The following PCDH18 variants were observed in gnomAD, a reference collection of about 807,000 sequenced individuals.
PCDH18 encodes protocadherin-18.
A neutral mutation model predicts 71.5 loss-of-function variants in PCDH18; 38 were observed. The ratio of observed to expected loss-of-function variants is 0.53; its 90% CI spans 0.41 to 0.70. The LOEUF (loss-of-function observed/expected upper bound fraction) is 0.70, where lower values mean the gene tolerates loss of function less well. Among genes scored for constraint, PCDH18 ranks in the 30% least tolerant of loss-of-function variants. PCDH18 has a pLI of 0.00. For missense variants in PCDH18, 1,334 were observed against 1,384.6 expected (o/e 0.96, Z 0.58); for synonymous variants, 565 against 505.4 (o/e 1.12, Z -1.58).
Position 137,519,849 on chromosome 4 carries a change from C to A in PCDH18, c.*1180G>T, listed in dbSNP as rs186007868. On this transcript the variant is annotated 3_prime_UTR_variant, in exon 4 of 4. Transcript: ENST00000344876. ...TAAGCATCTCTCTCACCAAGGCATT[C>A]CACACAGAGAGATCACAGCACAATA... 213 of 152,610 alleles carry A rather than the reference C, an allele frequency of 1.4e-3. 2 individuals carry two copies. The highest frequency in any genetic ancestry group is 1.8e-4 in the Non-Finnish European group (12 of 68,028). The allele number at this position is 152,610 out of a possible 1,614,324, so 9.5% of individuals were successfully genotyped here. A position where few individuals can be genotyped will look rare whatever the true frequency, so the allele number is the denominator to read the frequency against.
In PCDH18 at chr4:137,531,927, A is replaced by T; in HGVS notation, c.162T>A (p.Val54=). 1 of 1,614,136 alleles carries T rather than the reference A, an allele frequency of 6.2e-7. No homozygotes were observed. The highest frequency in any genetic ancestry group is 8.5e-7 in the Non-Finnish European group (1 of 1,180,008). ...IARLSEDVAD[V]LLKLPNPSTV... ...TAGAAGGATTAGGAAGCTTCAATAA[A>T]ACATCAGCCACATCCTCTGATAGTC... Residue 54 remains valine (V), a synonymous_variant, in exon 1 of 4, where the codon GTT becomes GTA. Coordinates refer to ENST00000344876, the MANE Select transcript of PCDH18 (RefSeq NM_019035.5).
intron 3 of PCDH18, among the ~76,000 whole-genome samples, chr4:137,524,333 A>G (rs774808430): frequency 6.6e-6 from 1 of 152,140 alleles, no homozygotes; most frequent in Non-Finnish European, 1.5e-5. Flanking sequence ...CAGGTGATCA[A>G]TCAGTTATCC....
At chr4:137,527,059 A>G (rs1009791019) in intron 3 of PCDH18, among the ~76,000 whole-genome samples, 1 of 151,772 alleles carries the variant, frequency 6.6e-6, no homozygotes, top group South Asian at 2.1e-4. Context: ...CAAACTCTGC[A>G]TGAGCCTGGA....
Position 137,532,393 on chromosome 4 carries a change from CCGGTGGAGTCTG to C in PCDH18, c.-317_-306del, listed in dbSNP as rs1731746351. On this transcript the variant is annotated 5_prime_UTR_variant, in exon 1 of 4. Coordinates refer to ENST00000344876, the MANE Select transcript of PCDH18 (RefSeq NM_019035.5). The stretch of plus-strand genomic sequence containing the variant: ...GTCGGAATCCATCTATTGCAGGGTG[CCGGTGGAGTCTG>C]CAGTGTGTCTTTCCTGAGCGATTCT... 1 of 700,560 alleles carries C rather than the reference CCGGTGGAGTCTG, an allele frequency of 1.4e-6. No individual in the cohort carries two copies. Among genetic ancestry groups the C allele is most frequent in the Admixed American group, 2.0e-5 (1 of 49,932 alleles). The allele number at this position is 700,560 out of a possible 1,614,324, so 43.4% of individuals were successfully genotyped here.
intron 3 of PCDH18, among the ~76,000 whole-genome samples, chr4:137,524,472 G>T (rs75034232): frequency 3.9e-5 from 6 of 152,106 alleles, no homozygotes; most frequent in Non-Finnish European, 7.4e-5. Context: ...ACTAGATGAT[G>T]CTAAGGGCAT....
intron 3 of PCDH18, among the ~76,000 whole-genome samples, chr4:137,524,344 G>A (rs1731386161): frequency 1.3e-5 from 2 of 152,056 alleles, no homozygotes; most frequent in Admixed American, 6.6e-5. Context: ...TCAGTTATCC[G>A]TTATGAGTCT....
In PCDH18 at chr4:137,529,910, C is replaced by A; in HGVS notation, c.2179G>T (p.Glu727Ter). The A allele has an allele frequency of 1.2e-6, 2 of 1,613,890 alleles. No individual in the cohort carries two copies. The highest frequency in any genetic ancestry group is 1.7e-6 in the Non-Finnish European group (2 of 1,179,934). ...MVLFATRCNR[E>*]KKDTRSYNCR... is the part of the protein sequence containing the mutation. ...TTATAGGATCTAGTGTCTTTCTTCT[C>A]GCGGTTACACCTAGTTGCAAATAGC... is the stretch of plus-strand genomic sequence containing the variant. The change falls in exon 1 of 4, where the codon GAG (glutamate) becomes TAG (stop). Residue 727 changes from glutamate to a stop codon, truncating the protein, a stop_gained. Coordinates refer to ENST00000344876, the MANE Select transcript of PCDH18 (RefSeq NM_019035.5). LOFTEE classifies it high-confidence loss of function.
At position 137,529,893 on chromosome 4, in the gene PCDH18, T is replaced by G. The variant is rs1367808550; in HGVS notation, c.2196A>C (p.Arg732Ser). ...ATTCGGCCACCCTGCAGTTATAGGATCTAGTGTCTTTCTTCTCGCGGTTAC... is the reference window on the plus strand; with the variant it reads ...ATTCGGCCACCCTGCAGTTATAGGAGCTAGTGTCTTTCTTCTCGCGGTTAC... ...TRCNREKKDT[R>S]SYNCRVAEST... is the part of the protein sequence containing the mutation. Residue 732 changes from arginine to serine, a missense_variant, in exon 1 of 4, where the codon AGA becomes AGC. Transcript: ENST00000344876. 6.2e-7 allele frequency: 1 copy of G among 1,613,888 alleles called. No individual in the cohort carries two copies. The highest frequency in any genetic ancestry group is 8.5e-7 in the Non-Finnish European group (1 of 1,179,990).
intron 3 of PCDH18, among the ~76,000 whole-genome samples, chr4:137,525,695 G>A (rs545483070): frequency 6.6e-6 from 1 of 152,200 alleles, no homozygotes; most frequent in South Asian, 2.1e-4. Flanking sequence ...ATACCTCCAG[G>A]ATAGCTTTGA....
chr4:137,529,742 G>A lies in PCDH18; in HGVS notation c.2347C>T (p.Pro783Ser). ...CCCATCTGCCCTCTTTCTAAGGTAGGAGATGAAGATGGAGACGATCTGTGA... is the reference window on the plus strand; with the variant it reads ...CCCATCTGCCCTCTTTCTAAGGTAGAAGATGAAGATGGAGACGATCTGTGA... ...SHHRSSPSSS[P>S]TLERGQMGSR... The change falls in exon 1 of 4, where the codon CCT becomes TCT. Residue 783 changes from proline (P) to serine (S), a missense_variant. Pro to Ser is a moderately conservative substitution (Grantham distance 74). This residue lies in a region of PCDH18 where 1,011 missense variants were observed against 1,048.0 expected (regional missense o/e 0.96). Coordinates refer to ENST00000344876, the MANE Select transcript of PCDH18 (RefSeq NM_019035.5). 2 of 1,613,996 alleles carry A rather than the reference G, an allele frequency of 1.2e-6. No homozygotes were observed. The highest frequency in any genetic ancestry group is 1.7e-6 in the Non-Finnish European group (2 of 1,179,934).
chr4:137,521,695 A>G lies in PCDH18; in HGVS notation c.2742T>C (p.Ala914=), dbSNP rs1490377442. ...TGCACTCCTCCGTGCAGAGTCTCAT[A>G]GCTGCACTCAAGAAAAACAGTGGGG... ...LFLTDGRIPA[A]MRLCTEECRV... Residue 914 remains alanine, a splice_region_variant and synonymous_variant, in exon 4 of 4, where the codon GCT becomes GCC. Transcript: ENST00000344876. 1 of 1,589,426 alleles carries G rather than the reference A, an allele frequency of 6.3e-7. No homozygotes were observed. Among genetic ancestry groups the G allele is most frequent in the Non-Finnish European group, 8.6e-7 (1 of 1,167,280 alleles).
chr4:137,526,170 A>G (rs905876842), intron 3 of PCDH18, among the ~76,000 whole-genome samples: 2 of 151,946 alleles, frequency 1.3e-5, no homozygotes, highest in Non-Finnish European at 2.9e-5. Context: ...AAACTTTATA[A>G]TTAGCTATTA....
intron 3 of PCDH18, among the ~76,000 whole-genome samples, chr4:137,525,773 A>T (rs974835607): frequency 6.6e-6 from 1 of 152,132 alleles, no homozygotes; most frequent in African/African-American, 2.4e-5. Flanking sequence ...ATTTTGTTGT[A>T]ACACAATGTT....
rs2149210653 is a variant in PCDH18, at chr4:137,518,946, A to C, written c.*2083T>G. The C allele has an allele frequency of 6.6e-6, 1 of 152,308 alleles. No individual in the cohort carries two copies. Among genetic ancestry groups the C allele is most frequent in the South Asian group, 2.1e-4 (1 of 4,826 alleles). 9.4% of individuals were successfully genotyped at this position (152,308 alleles called of 1,614,324 possible). On this transcript the variant is annotated 3_prime_UTR_variant, in exon 4 of 4. Coordinates refer to ENST00000344876, the MANE Select transcript of PCDH18 (RefSeq NM_019035.5). ...TGTGTTGAATGAAATATTGCATTTT[A>C]TTTATTTCACATTATTCAAAATAGC...
chr4:137,530,595 C>T lies in PCDH18; in HGVS notation c.1494G>A (p.Gly498=). ...TCTCCAAGATGGTGTATGTCACTTG[C>T]CCATTTTCTCCAAGATCAGGATCTG... The part of the protein sequence containing the change: ...TATDPDLGEN[G]QVTYTILESF... Residue 498 remains glycine, a synonymous_variant, in exon 1 of 4, where the codon GGG becomes GGA. Transcript: ENST00000344876. 6.2e-7 allele frequency: 1 copy of T among 1,614,098 alleles called. No homozygotes were observed. The highest frequency in any genetic ancestry group is 8.5e-7 in the Non-Finnish European group (1 of 1,180,006).
chr4:137,532,229 C>T lies in PCDH18; in HGVS notation c.-141G>A, dbSNP rs1449906078. 1.3e-6 allele frequency: 1 copy of T among 762,656 alleles called. No homozygotes were observed. Among genetic ancestry groups the T allele is most frequent in the Non-Finnish European group, 2.3e-6 (1 of 429,488 alleles). 47.2% of individuals were successfully genotyped at this position (762,656 alleles called of 1,614,324 possible). A position where few individuals can be genotyped will look rare whatever the true frequency, so the allele number is the denominator to read the frequency against. On this transcript the variant is annotated 5_prime_UTR_variant, in exon 1 of 4. Transcript: ENST00000344876. Reference sequence around the variant, plus strand: ...AATAACACAGCACAGCAATTAACAGCTCGCAAACTTTTGTTTTATACACAC... The same window carrying T: ...AATAACACAGCACAGCAATTAACAGTTCGCAAACTTTTGTTTTATACACAC...
At chr4:137,521,821 T>G (rs1021582784) in intron 3 of PCDH18, 125 bp from the exon 4 acceptor site, 1 of 690,736 alleles carries the variant, frequency 1.4e-6, no homozygotes, top group African/African-American at 1.8e-5. Flanking sequence ...GATGCCAACC[T>G]ATTATTATAC....
chr4:137,527,613 T>C (rs1731512335), intron 3 of PCDH18, among the ~76,000 whole-genome samples: 1 of 151,654 alleles, frequency 6.6e-6, no homozygotes, highest in South Asian at 2.1e-4. Flanking sequence ...ATGGGTGATA[T>C]TGTGTTGTTC....
intron 3 of PCDH18, among the ~76,000 whole-genome samples, chr4:137,526,492 G>C (rs1057191577): frequency 1.3e-5 from 2 of 152,052 alleles, no homozygotes; most frequent in Non-Finnish European, 2.9e-5. Context: ...TAAGAAAACT[G>C]ATTCTCTTTG....
Sources: gnomAD v4.1 joint callset for allele counts (sites outside exome capture counted in the v4.1 genomes callset) on GRCh38, gnomAD v4.1.1 for gene constraint, gnomAD v4.1.1 regional missense constraint, MANE v1.5 for transcripts, NCBI Gene and HGNC (gene_info 2026-07-23, HGNC 2026-07-21) for gene names.